The following SLC18A2 variants were observed in gnomAD, a reference collection of about 807,000 sequenced individuals.
SLC18A2 encodes synaptic vesicular amine transporter.
Under a neutral mutation model 59.2 loss-of-function variants are expected in SLC18A2, and 33 were observed. That is an observed-to-expected ratio of 0.56 (90% CI 0.42 to 0.75). The LOEUF is 0.75. SLC18A2 is among the 30% of genes least tolerant of loss of function. The pLI, the probability that SLC18A2 is intolerant of heterozygous loss-of-function variation, is 0.00. For missense variants in SLC18A2, 569 were observed against 668.6 expected, an observed-to-expected ratio of 0.85 and a Z score of 1.64; for synonymous variants, 228 against 253.5, an observed-to-expected ratio of 0.90 and a Z score of 0.95.
intron 15 of SLC18A2, among the ~76,000 whole-genome samples, chr10:117,275,208 C>A (rs1193747813): frequency 6.6e-6 from 1 of 152,092 alleles, no homozygotes; most frequent in Non-Finnish European, 1.5e-5. Flanking sequence ...ACTTGGCAAG[C>A]AGCATAAAAA....
At chr10:117,252,767 C>T (rs1257829151) in intron 3 of SLC18A2, among the ~76,000 whole-genome samples, 2 of 152,190 alleles carry the variant, frequency 1.3e-5, no homozygotes, top group Admixed American at 1.3e-4. Context: ...GATTAAGTGG[C>T]AGGGTCATGT....
At chr10:117,272,105 AATG>A (rs966604997) in intron 15 of SLC18A2, among the ~76,000 whole-genome samples, 4 of 152,154 alleles carry the variant, frequency 2.6e-5, no homozygotes, top group African/African-American at 7.2e-5. Context: ...TGCATGGAGA[AATG>A]ATAACGTCTA....
intron 3 of SLC18A2, among the ~76,000 whole-genome samples, chr10:117,246,127 A>G (rs1178699748): frequency 3.3e-5 from 5 of 152,226 alleles, no homozygotes; most frequent in Non-Finnish European, 5.9e-5. Context: ...TGCATCTGGT[A>G]TAATTACAGA....
At chr10:117,268,434 C>T (rs1204374421) in intron 13 of SLC18A2, 4 of 152,346 alleles carry the variant, frequency 2.6e-5, no homozygotes, top group Non-Finnish European at 5.9e-5. Context: ...CTAGGTCCTT[C>T]TCAGGTGACC....
At chr10:117,247,845 G>A (rs964302509) in intron 3 of SLC18A2, among the ~76,000 whole-genome samples, 36 of 152,268 alleles carry the variant, frequency 2.4e-4, no homozygotes, top group South Asian at 1.2e-3. Context: ...AACTGAAGTG[G>A]GACCCACTCT....
At chr10:117,267,266 T>C in intron 12 of SLC18A2, 1 of 538,474 alleles carries the variant, frequency 1.9e-6, no homozygotes, top group Non-Finnish European at 3.2e-6. Context: ...ACAGTTTAAC[T>C]TTTCCCCTGC....
At chr10:117,274,297 T>C (rs181726406) in intron 15 of SLC18A2, among the ~76,000 whole-genome samples, 157 of 152,262 alleles carry the variant, frequency 1.0e-3, no homozygotes, top group Non-Finnish European at 1.8e-3. Context: ...AAATATGTTT[T>C]TGGTGAATTG....
intron 3 of SLC18A2, among the ~76,000 whole-genome samples, chr10:117,247,158 T>C (rs1221297851): frequency 2.0e-5 from 3 of 152,248 alleles, no homozygotes; most frequent in African/African-American, 7.2e-5. Context: ...TTGTGAGCCA[T>C]TGCAAACAGT....
chr10:117,255,641 C>T lies in SLC18A2; in HGVS notation c.879C>T (p.Tyr293=), dbSNP rs1175437399. ...TPLTTLLKDP[Y]ILIAAGSICF... Reference sequence around the variant, plus strand: ...TAACCACGCTGCTGAAGGACCCGTACATCCTCATTGCTGCAGGTGGGGCTC... The same window carrying T: ...TAACCACGCTGCTGAAGGACCCGTATATCCTCATTGCTGCAGGTGGGGCTC... Residue 293 remains tyrosine (Y), a synonymous_variant, in exon 9 of 16, where the codon TAC becomes TAT. Transcript: ENST00000644641. 1.9e-6 allele frequency: 3 copies of T among 1,613,716 alleles called. No individual in the cohort carries two copies. The highest frequency in any genetic ancestry group is 2.7e-5 in the African/African-American group (2 of 75,024).
chr10:117,279,097 C>T lies in SLC18A2; in HGVS notation c.*1831C>T, dbSNP rs887793890. On this transcript the variant is annotated 3_prime_UTR_variant, in exon 16 of 16. Transcript: ENST00000644641. ...AAAGGTATGCCTGCTGTTGGTCCCTCGGGATAAGATAAAATATAAATAAAA... is the reference window on the plus strand; with the variant it reads ...AAAGGTATGCCTGCTGTTGGTCCCTTGGGATAAGATAAAATATAAATAAAA... 1.3e-5 allele frequency: 2 copies of T among 152,102 alleles called. No homozygotes were observed. Among genetic ancestry groups the T allele is most frequent in the Non-Finnish European group, 2.9e-5 (2 of 68,030 alleles). 9.4% of individuals were successfully genotyped at this position (152,102 alleles called of 1,614,324 possible). A position where few individuals can be genotyped will look rare whatever the true frequency, so the allele number is the denominator to read the frequency against.
rs550010468 is a variant in SLC18A2, at chr10:117,251,299, CCT to C, written c.465-2095_465-2094del. 3.6e-3 allele frequency among the ~76,000 whole-genome samples: 547 copies of C among 152,294 alleles called. 2 individuals are homozygous for C. The highest frequency in any genetic ancestry group is 6.2e-3 in the Non-Finnish European group (419 of 68,028). On this transcript the variant is annotated intron_variant, in intron 3 of 15. Coordinates refer to ENST00000644641, the MANE Select transcript of SLC18A2 (RefSeq NM_003054.6). ...TGAAAATAAATTGCCTGTGAGTTCTCCTCTCTGAGCCTCCTGGACGTTTCCTG... is the reference window on the plus strand; with the variant it reads ...TGAAAATAAATTGCCTGTGAGTTCTCCTCTGAGCCTCCTGGACGTTTCCTG...
intron 15 of SLC18A2, among the ~76,000 whole-genome samples, chr10:117,276,125 C>CAAAA (rs34299747): frequency 7.3e-6 from 1 of 137,420 alleles, no homozygotes. Context: ...GTCATCTCTA[C>CAAAA]AAAAAAAAAA....
intron 10 of SLC18A2, among the ~76,000 whole-genome samples, chr10:117,261,764 AG>A (rs896463699): frequency 6.6e-6 from 1 of 152,038 alleles, no homozygotes; most frequent in Non-Finnish European, 1.5e-5. Flanking sequence ...GCCGGGGGAG[AG>A]GGGGTAAGGA....
At position 117,277,897 on chromosome 10, in the gene SLC18A2, G is replaced by A. The variant is rs955788403; in HGVS notation, c.*631G>A. 3 of 152,212 alleles carry A rather than the reference G, an allele frequency of 2.0e-5. No homozygotes were observed. The highest frequency in any genetic ancestry group is 4.4e-5 in the Non-Finnish European group (3 of 68,032). 9.4% of individuals were successfully genotyped at this position (152,212 alleles called of 1,614,324 possible). On this transcript the variant is annotated 3_prime_UTR_variant, in exon 16 of 16. Coordinates refer to ENST00000644641, the MANE Select transcript of SLC18A2 (RefSeq NM_003054.6). ...CTATGTAATCACCTACCTAGAGAGA[G>A]TTGTAAATTATATGTTAACATGTTA...
At chr10:117,243,477 G>C (rs1390757454) in intron 2 of SLC18A2, among the ~76,000 whole-genome samples, 1 of 152,176 alleles carries the variant, frequency 6.6e-6, no homozygotes, top group Admixed American at 6.5e-5. Flanking sequence ...AAGTGAACTT[G>C]CTCCAATGTC....
Position 117,278,801 on chromosome 10 carries a change from T to C in SLC18A2, c.*1535T>C, listed in dbSNP as rs1294805920. ...AGTCTGGTTTCTAAGTGCAGTGTGT[T>C]TGAAGCAAACGAACTTCCAACTCAC... On this transcript the variant is annotated 3_prime_UTR_variant, in exon 16 of 16. Transcript: ENST00000644641. The C allele has an allele frequency of 6.6e-6, 1 of 152,210 alleles. No homozygotes were observed. Among genetic ancestry groups the C allele is most frequent in the East Asian group, 1.9e-4 (1 of 5,200 alleles). The allele number at this position is 152,210 out of a possible 1,614,324, so 9.4% of individuals were successfully genotyped here.
At chr10:117,251,326 G>C (rs1589978922) in intron 3 of SLC18A2, among the ~76,000 whole-genome samples, 1 of 152,280 alleles carries the variant, frequency 6.6e-6, no homozygotes, top group South Asian at 2.1e-4. Flanking sequence ...GACGTTTCCT[G>C]ATTCAGTATC....
chr10:117,265,645 C>T (rs1844339247), intron 10 of SLC18A2, among the ~76,000 whole-genome samples: 1 of 152,158 alleles, frequency 6.6e-6, no homozygotes, highest in South Asian at 2.1e-4. Flanking sequence ...GACAATTCCC[C>T]TGTAGCCAAG....
At position 117,241,671 on chromosome 10, in the gene SLC18A2, G is replaced by A. The variant is rs1198748088; in HGVS notation, c.-15-8G>A. 2.6e-6 allele frequency: 4 copies of A among 1,558,088 alleles called. No homozygotes were observed. Among genetic ancestry groups the A allele is most frequent in the Non-Finnish European group, 3.5e-6 (4 of 1,154,506 alleles). On this transcript the variant is annotated splice_region_variant and splice_polypyrimidine_tract_variant and intron_variant, in intron 1 of 15. Transcript: ENST00000644641. Reference sequence around the variant, plus strand: ...GCCTTGGGTCCTCACCGCGCACCGCGCCCGCAGCGGAGCCCCGGAGCCATG... The same window carrying A: ...GCCTTGGGTCCTCACCGCGCACCGCACCCGCAGCGGAGCCCCGGAGCCATG...
Sources: gnomAD v4.1 joint callset for allele counts (sites outside exome capture counted in the v4.1 genomes callset) on GRCh38, gnomAD v4.1.1 for gene constraint, MANE v1.5 for transcripts, NCBI Gene and HGNC (gene_info 2026-07-23, HGNC 2026-07-21) for gene names.